Variants in FXR1 observed in about 807,000 individuals in gnomAD.
The protein encoded by FXR1 is RNA-binding protein FXR1.
FXR1 carries 15 observed loss-of-function variants against 84.0 expected under a neutral mutation model. The observed-to-expected ratio is 0.18, with a 90% CI of 0.12 to 0.27. FXR1 has a LOEUF of 0.27. Among genes scored for constraint, FXR1 ranks in the 10% least tolerant of loss-of-function variants. The pLI, the probability that FXR1 is intolerant of heterozygous loss-of-function variation, is 1.00. For synonymous variants in FXR1, 245 were observed against 250.7 expected (o/e 0.98, Z 0.21); for missense variants, 480 against 774.4 (o/e 0.62, Z 4.51).
intron 1 of FXR1, among the ~76,000 whole-genome samples, chr3:180,931,685 T>G (rs977771293): frequency 6.6e-6 from 1 of 151,776 alleles, no homozygotes; most frequent in Non-Finnish European, 1.5e-5. Context: ...TAGTCTTAAT[T>G]TGCTTAGAAA....
At chr3:180,935,283 A>G (rs1362477044) in intron 3 of FXR1, 52 bp downstream of exon 3, 1 of 804,470 alleles carries the variant, frequency 1.2e-6, no homozygotes, top group Non-Finnish European at 2.2e-6. Context: ...ATTTAAATAA[A>G]TACTCTTTTA....
intron 7 of FXR1, among the ~76,000 whole-genome samples, chr3:180,951,007 G>T (rs2108468971): frequency 1.3e-5 from 2 of 152,004 alleles, no homozygotes; most frequent in East Asian, 3.9e-4. Flanking sequence ...TAGCCCAAAA[G>T]TTCGAGACCA....
chr3:180,925,046 A>G (rs1719004173), intron 1 of FXR1, among the ~76,000 whole-genome samples: 1 of 152,058 alleles, frequency 6.6e-6, no homozygotes, highest in African/African-American at 2.4e-5. Flanking sequence ...CATGGAGAGT[A>G]TTGATGTTGT....
At chr3:180,962,842 T>C (rs905550918) in intron 11 of FXR1, 41 bp from the exon 12 acceptor site, 9 of 1,383,494 alleles carry the variant, frequency 6.5e-6, no homozygotes, top group Non-Finnish European at 9.2e-6. Flanking sequence ...AAACAAAAAG[T>C]TATATATAAG....
intron 15 of FXR1, among the ~76,000 whole-genome samples, chr3:180,972,840 G>A (rs1174782587): frequency 6.6e-6 from 1 of 152,080 alleles, no homozygotes; most frequent in Non-Finnish European, 1.5e-5. Flanking sequence ...CAAAAGATAG[G>A]GTGGGTAAAA....
At chr3:180,923,873 C>T (rs960353517) in intron 1 of FXR1, among the ~76,000 whole-genome samples, 4 of 152,094 alleles carry the variant, frequency 2.6e-5, no homozygotes, top group South Asian at 2.1e-4. Flanking sequence ...ATTACAGACC[C>T]TCAGGCATCC....
intron 15 of FXR1, among the ~76,000 whole-genome samples, chr3:180,972,705 T>A (rs1389592530): frequency 6.6e-6 from 1 of 152,190 alleles, no homozygotes; most frequent in Non-Finnish European, 1.5e-5. Context: ...ACTTGAGTAG[T>A]TTGGAGGCTT....
rs891342665 is a variant in FXR1 at position 180,978,166 on chromosome 3, T to G, written c.*1874T>G. The G allele has an allele frequency of 6.8e-6, 1 of 147,396 alleles. No individual in the cohort carries two copies. The highest frequency in any genetic ancestry group is 1.5e-5 in the Non-Finnish European group (1 of 67,646). 9.1% of individuals were successfully genotyped at this position (147,396 alleles called of 1,614,324 possible). On this transcript the variant is annotated 3_prime_UTR_variant, in exon 17 of 17. Transcript: ENST00000357559. ...TAGAAGAATTTTAATTAATGCCAAATTGGTAAATATGGTGTAAAAAAAAAA... is the reference window on the plus strand; with the variant it reads ...TAGAAGAATTTTAATTAATGCCAAAGTGGTAAATATGGTGTAAAAAAAAAA...
In FXR1 at chr3:180,967,376, T is replaced by C. The variant is rs186113113; in HGVS notation, c.1199-675T>C. Among the ~76,000 whole-genome samples the C allele has an allele frequency of 2.2e-3, 340 of 152,226 alleles. 1 individual carries two copies. Among genetic ancestry groups the C allele is most frequent in the African/African-American group, 7.9e-3 (328 of 41,546 alleles). On this transcript the variant is annotated intron_variant, in intron 13 of 16. Transcript: ENST00000357559. ...ATGTTAACATGTGAAAAGTATACCCTAGAATCAATGAAATTATGGTGAAAT... is the reference window on the plus strand; with the variant it reads ...ATGTTAACATGTGAAAAGTATACCCCAGAATCAATGAAATTATGGTGAAAT...
At chr3:180,957,417 T>C (rs1335050840) in intron 9 of FXR1, 1 of 153,420 alleles carries the variant, frequency 6.5e-6, no homozygotes, top group Non-Finnish European at 1.5e-5. Context: ...TTGATGAATT[T>C]GCTACTTATG....
chr3:180,925,706 A>G (rs886691750), intron 1 of FXR1, among the ~76,000 whole-genome samples: 1 of 152,216 alleles, frequency 6.6e-6, no homozygotes, highest in Non-Finnish European at 1.5e-5. Context: ...AATCATTCAA[A>G]TTGATGGGCT....
At chr3:180,943,841 C>T (rs1047649583) in intron 3 of FXR1, among the ~76,000 whole-genome samples, 8 of 152,138 alleles carry the variant, frequency 5.3e-5, no homozygotes, top group African/African-American at 1.9e-4. Flanking sequence ...GCTTGATTTA[C>T]CCACATTAAC....
chr3:180,960,507 C>G (rs1711960566), intron 10 of FXR1, among the ~76,000 whole-genome samples: 1 of 152,156 alleles, frequency 6.6e-6, no homozygotes, highest in African/African-American at 2.4e-5. Context: ...GCTCTCTTGT[C>G]CAGGCTGGAG....
chr3:180,963,413 CA>C (rs1231379539), intron 13 of FXR1, among the ~76,000 whole-genome samples: 1 of 152,074 alleles, frequency 6.6e-6, no homozygotes, highest in African/African-American at 2.4e-5. Context: ...CAGTTTTATA[CA>C]TTTCCCAGTA....
chr3:180,936,572 T>G (rs905389973), intron 3 of FXR1, among the ~76,000 whole-genome samples: 16 of 152,204 alleles, frequency 1.1e-4, no homozygotes, highest in African/African-American at 3.9e-4. Context: ...ATGGCCTGAT[T>G]TTTTAATGAC....
chr3:180,931,147 A>G (rs1719851260), intron 1 of FXR1, among the ~76,000 whole-genome samples: 1 of 152,032 alleles, frequency 6.6e-6, no homozygotes, highest in Admixed American at 6.6e-5. Context: ...GCAACTCTTA[A>G]TATTTAAATT....
chr3:180,978,478 GC>G lies in FXR1; in HGVS notation c.*2188del, dbSNP rs1483570820. 2 of 152,012 alleles carry G rather than the reference GC, an allele frequency of 1.3e-5. No homozygotes were observed. Among genetic ancestry groups the G allele is most frequent in the African/African-American group, 4.8e-5 (2 of 41,410 alleles). The allele number at this position is 152,012 out of a possible 1,614,324, so 9.4% of individuals were successfully genotyped here. On this transcript the variant is annotated 3_prime_UTR_variant, in exon 17 of 17. Coordinates refer to ENST00000357559, the MANE Select transcript of FXR1 (RefSeq NM_005087.4). Reference sequence around the variant, plus strand: ...CAAAGGGTAGCCATTAATTCAGGTAGCCTTTTAAATGTATTTGAGAGGGTTC... The same window carrying G: ...CAAAGGGTAGCCATTAATTCAGGTAGCTTTTAAATGTATTTGAGAGGGTTC...
intron 3 of FXR1, 137 bp from the exon 4 acceptor site, chr3:180,947,728 T>G (rs1721842943): frequency 2.2e-6 from 1 of 450,998 alleles, no homozygotes; most frequent in African/African-American, 2.0e-5. Flanking sequence ...TTCTTTAAAT[T>G]GCATTTAATA....
chr3:180,951,137 TG>T (rs202151555), intron 7 of FXR1, among the ~76,000 whole-genome samples, 160 bp from the exon 8 acceptor site: 3,534 of 152,158 alleles, frequency 0.023, 69 homozygotes, highest in Non-Finnish European at 0.038. Flanking sequence ...GTGGGACGAT[TG>T]CTTGAGCCCA....
Sources: allele counts gnomAD v4.1 joint callset (sites outside exome capture counted in the v4.1 genomes callset), GRCh38; gene constraint gnomAD v4.1.1; transcripts MANE v1.5; gene names NCBI Gene and HGNC (gene_info 2026-07-23, HGNC 2026-07-21).